Variants in CTNNA3 observed in about 807,000 individuals in gnomAD.
CTNNA3 encodes catenin alpha-3.
A neutral mutation model predicts 95.7 loss-of-function variants in CTNNA3; 76 were observed. The ratio of observed to expected loss-of-function variants is 0.79; its 90% CI spans 0.66 to 0.96. The LOEUF (loss-of-function observed/expected upper bound fraction) is 0.96, where lower values mean the gene tolerates loss of function less well. Among genes scored for constraint, CTNNA3 ranks in the 40% least tolerant of loss-of-function variants. CTNNA3 has a pLI of 0.00. For synonymous variants in CTNNA3, 431 were observed against 374.4 expected (o/e 1.15, Z -1.74); for missense variants, 1,191 against 1,089.8 (o/e 1.09, Z -1.31).
chr10:65,934,075 G>A (rs542763357), intron 17 of CTNNA3, among the ~76,000 whole-genome samples: 24 of 152,222 alleles, frequency 1.6e-4, no homozygotes, highest in Non-Finnish European at 2.9e-4. Context: ...ATGATAGAAG[G>A]AAATGTTAAA....
chr10:66,911,939 G>C (rs150437038), intron 7 of CTNNA3, among the ~76,000 whole-genome samples: 1 of 152,106 alleles, frequency 6.6e-6, no homozygotes, highest in Admixed American at 6.5e-5. Context: ...CTAGGCAGAA[G>C]CCTAGAGTAT....
At chr10:67,614,087 G>A (rs1377337654) in intron 2 of CTNNA3, among the ~76,000 whole-genome samples, 2 of 152,148 alleles carry the variant, frequency 1.3e-5, no homozygotes, top group Non-Finnish European at 2.9e-5. Flanking sequence ...TGGCTGGAGT[G>A]GCCAGCTTTT....
At chr10:66,687,724 C>T (rs1235924348) in intron 9 of CTNNA3, among the ~76,000 whole-genome samples, 12 of 109,294 alleles carry the variant, frequency 1.1e-4, no homozygotes, top group Non-Finnish European at 1.8e-4. Context: ...TATATACACA[C>T]ACACACACAT....
At position 66,523,296 on chromosome 10, in the gene CTNNA3, T is replaced by C. The variant is rs576937323; in HGVS notation, c.1375-2523A>G. 5.3e-5 allele frequency among the ~76,000 whole-genome samples: 8 copies of C among 152,298 alleles called. No individual in the cohort carries two copies. In the South Asian group the frequency reaches 1.7e-3, roughly 32 times the overall value. On this transcript the variant is annotated intron_variant, in intron 10 of 17. Coordinates refer to ENST00000433211, the MANE Select transcript of CTNNA3 (RefSeq NM_013266.4). ...TGGTGTAAAACCCTCAGTGGAGATA[T>C]GAAGTTATGAATATAAGACAGGCTA...
At chr10:66,158,228 A>T (rs1210930615) in intron 13 of CTNNA3, among the ~76,000 whole-genome samples, 1 of 152,060 alleles carries the variant, frequency 6.6e-6, no homozygotes, top group Non-Finnish European at 1.5e-5. Flanking sequence ...TGGTCATGAA[A>T]TCTTTGCCCA....
chr10:66,332,316 C>T (rs1241194097), intron 12 of CTNNA3, among the ~76,000 whole-genome samples: 1 of 151,554 alleles, frequency 6.6e-6, no homozygotes, highest in Admixed American at 6.6e-5. Flanking sequence ...GTATCCCTGT[C>T]TTGTGCCAGT....
intron 9 of CTNNA3, among the ~76,000 whole-genome samples, chr10:66,692,169 T>A (rs965130725): frequency 1.3e-5 from 2 of 152,140 alleles, no homozygotes; most frequent in Admixed American, 6.5e-5. Flanking sequence ...TACTCCGAGC[T>A]ACAGGAGGAA....
At chr10:67,285,794 G>A (rs1839575597) in intron 5 of CTNNA3, among the ~76,000 whole-genome samples, 1 of 152,150 alleles carries the variant, frequency 6.6e-6, no homozygotes, top group South Asian at 2.1e-4. Flanking sequence ...GGCAGGAAAT[G>A]TGTTTGATTT....
At chr10:67,015,193 T>C (rs1449738022) in intron 7 of CTNNA3, 1 of 152,158 alleles carries the variant, frequency 6.6e-6, no homozygotes, top group Admixed American at 6.5e-5. Context: ...ATCATTTTCA[T>C]TAACATGCTT....
intron 5 of CTNNA3, among the ~76,000 whole-genome samples, chr10:67,335,907 T>C (rs1171320978): frequency 2.6e-5 from 4 of 151,794 alleles, no homozygotes; most frequent in Non-Finnish European, 5.9e-5. Context: ...TTTTTACAAA[T>C]TGAAGGTTTG....
At chr10:66,399,067 C>A (rs986651291) in intron 11 of CTNNA3, among the ~76,000 whole-genome samples, 1 of 151,944 alleles carries the variant, frequency 6.6e-6, no homozygotes, top group African/African-American at 2.4e-5. Context: ...CTTTATTTCA[C>A]TTCCTATTTT....
rs77161465 is a variant in CTNNA3 at position 67,210,443 on chromosome 10, T to C, written c.843+9164A>G. 4.9e-3 allele frequency among the ~76,000 whole-genome samples: 748 copies of C among 151,754 alleles called. 9 individuals carry two copies. The highest frequency in any genetic ancestry group is 0.016 in the African/African-American group (666 of 41,504). ...TTCAAACTAAAAAAAAGAAGACACA[T>C]GTTCCTAATGTCATTCATCTATTGC... is the stretch of plus-strand genomic sequence containing the variant. On this transcript the variant is annotated intron_variant, in intron 6 of 17. Coordinates refer to ENST00000433211, the MANE Select transcript of CTNNA3 (RefSeq NM_013266.4).
At chr10:66,060,124 C>G (rs992817533) in intron 15 of CTNNA3, among the ~76,000 whole-genome samples, 4 of 151,894 alleles carry the variant, frequency 2.6e-5, no homozygotes, top group African/African-American at 9.7e-5. Context: ...GAAGTTATAC[C>G]TAGAGCCTGT....
chr10:67,065,322 A>G (rs1285133251), intron 7 of CTNNA3, among the ~76,000 whole-genome samples: 4 of 152,220 alleles, frequency 2.6e-5, no homozygotes, highest in Non-Finnish European at 4.4e-5. Flanking sequence ...CTATCTTCAC[A>G]GAGTTGTGAT....
intron 7 of CTNNA3, among the ~76,000 whole-genome samples, chr10:66,906,773 G>A (rs576506420): frequency 1.3e-4 from 20 of 151,660 alleles, no homozygotes; most frequent in Non-Finnish European, 2.4e-4. Flanking sequence ...TTTTTAGTGC[G>A]TCTCTTTTAG....
chr10:67,237,362 G>A (rs1865533595), intron 5 of CTNNA3, among the ~76,000 whole-genome samples: 1 of 151,016 alleles, frequency 6.6e-6, no homozygotes, highest in Admixed American at 6.6e-5. Context: ...ATGATATAAT[G>A]GACTTTGGGG....
chr10:66,377,233 T>C (rs2092802314), intron 12 of CTNNA3, among the ~76,000 whole-genome samples: 2 of 152,102 alleles, frequency 1.3e-5, no homozygotes, highest in Non-Finnish European at 2.9e-5. Context: ...AATAATAAGA[T>C]GCTGTTTATA....
At chr10:67,453,445 C>T (rs1158876959) in intron 5 of CTNNA3, among the ~76,000 whole-genome samples, 1 of 152,168 alleles carries the variant, frequency 6.6e-6, no homozygotes, top group Non-Finnish European at 1.5e-5. Context: ...CTGTGGGAAA[C>T]TTTCCAAGGT....
At chr10:66,840,132 T>A (rs1252877234) in intron 7 of CTNNA3, among the ~76,000 whole-genome samples, 1 of 152,110 alleles carries the variant, frequency 6.6e-6, no homozygotes, top group Non-Finnish European at 1.5e-5. Flanking sequence ...AATATTATTG[T>A]TCATGCTGAA....
Sources: gnomAD v4.1 joint callset for allele counts (sites outside exome capture counted in the v4.1 genomes callset) on GRCh38, gnomAD v4.1.1 for gene constraint, MANE v1.5 for transcripts, NCBI Gene and HGNC (gene_info 2026-07-23, HGNC 2026-07-21) for gene names.